ATXN1: variants seen among roughly 807,000 people sequenced by gnomAD.
The protein encoded by ATXN1 is ataxin-1.
A neutral mutation model predicts 56.4 loss-of-function variants in ATXN1; 8 were observed. That is an observed-to-expected ratio of 0.14 (90% CI 0.08 to 0.26). The LOEUF (loss-of-function observed/expected upper bound fraction) is 0.26, where lower values mean the gene tolerates loss of function less well. Ranked by LOEUF, ATXN1 falls within the 10% of genes least tolerant of loss-of-function variation. The probability of loss-of-function intolerance (pLI) is 1.00; values close to 1 mark genes in which losing one functional copy is unlikely to be tolerated. For synonymous variants in ATXN1, 514 were observed against 494.6 expected (o/e 1.04, Z -0.52); for missense variants, 987 against 1,106.5 (o/e 0.89, Z 1.53).
chr6:16,726,528 T>C (rs1223611151), intron 2 of ATXN1, among the ~76,000 whole-genome samples: 1 of 152,126 alleles, frequency 6.6e-6, no homozygotes, highest in East Asian at 1.9e-4. Context: ...CATTTTAAAA[T>C]GCAAATTACT....
At chr6:16,480,176 A>T (rs1027501572) in intron 6 of ATXN1, among the ~76,000 whole-genome samples, 579 of 148,524 alleles carry the variant, frequency 3.9e-3, no homozygotes, top group African/African-American at 0.013. Flanking sequence ...AAAAAAAAAA[A>T]ATATCTAAAA....
At chr6:16,584,241 T>TACAC (rs1197830966) in intron 4 of ATXN1, among the ~76,000 whole-genome samples, 5 of 121,280 alleles carry the variant, frequency 4.1e-5, no homozygotes, top group African/African-American at 1.4e-4. Flanking sequence ...TATATATATA[T>TACAC]ATACACACAC....
At chr6:16,656,532 G>C (rs1048739873) in intron 3 of ATXN1, among the ~76,000 whole-genome samples, 2 of 152,190 alleles carry the variant, frequency 1.3e-5, no homozygotes, top group East Asian at 1.9e-4. Context: ...CATTATGTTG[G>C]TGTATGCTCT....
At position 16,328,354 on chromosome 6, in the gene ATXN1, T is replaced by C; in HGVS notation, c.-44A>G. 1 of 1,475,608 alleles carries C rather than the reference T, an allele frequency of 6.8e-7. No homozygotes were observed. Among genetic ancestry groups the C allele is most frequent in the Non-Finnish European group, 8.9e-7 (1 of 1,119,102 alleles). The allele number at this position is 1,475,608 out of a possible 1,614,324, so 91.4% of individuals were successfully genotyped here. ...CACGGTGACTGTTTCACTGTCTGGA[T>C]GGCTCTGATTTTAGTCTGATAAACG... On this transcript the variant is annotated 5_prime_UTR_variant, in exon 7 of 8. Transcript: ENST00000436367. This position sits in a 1 kb window ranked among gnomAD's most constrained non-coding sequence, Gnocchi z 6.2.
intron 5 of ATXN1, among the ~76,000 whole-genome samples, chr6:16,514,385 A>G (rs1233546894): frequency 6.6e-6 from 1 of 152,202 alleles, no homozygotes; most frequent in Non-Finnish European, 1.5e-5. Context: ...TGCGTCTGAG[A>G]GCGAGGCACA....
At chr6:16,566,926 T>C (rs1287080678) in intron 4 of ATXN1, among the ~76,000 whole-genome samples, 1 of 152,118 alleles carries the variant, frequency 6.6e-6, no homozygotes, top group African/African-American at 2.4e-5. Context: ...TTGCCTAGGC[T>C]AGTCTCAAAC....
rs200071239 is a variant in ATXN1, at chr6:16,395,306, A to AAAAC, written c.-160-66840_-160-66837dup. Among the ~76,000 whole-genome samples the AAAAC allele has an allele frequency of 9.2e-3, 1,389 of 151,728 alleles. 12 individuals carry two copies. The highest frequency in any genetic ancestry group is 0.014 in the Non-Finnish European group (924 of 67,916). The stretch of plus-strand genomic sequence containing the variant: ...AAAAAAAAAAACAAGAACAAAAACA[A>AAAAC]AAACTCATCATCATCCCTCATTTTA... On this transcript the variant is annotated intron_variant, in intron 6 of 7. Transcript: ENST00000436367.
chr6:16,610,292 CT>C, intron 3 of ATXN1, among the ~76,000 whole-genome samples: 1 of 151,802 alleles, frequency 6.6e-6, no homozygotes, highest in Middle Eastern at 3.4e-3. Flanking sequence ...CAAAAACTCA[CT>C]CTATACAAGA....
chr6:16,499,490 A>G (rs947678290), intron 5 of ATXN1, among the ~76,000 whole-genome samples: 1 of 152,188 alleles, frequency 6.6e-6, no homozygotes, highest in African/African-American at 2.4e-5. Context: ...CAGGGAAGCC[A>G]ACCACCTCTT....
intron 3 of ATXN1, among the ~76,000 whole-genome samples, chr6:16,617,766 CAAA>C (rs397975811): frequency 5.6e-5 from 5 of 89,492 alleles, no homozygotes; most frequent in Admixed American, 1.2e-4. Flanking sequence ...AACTCTGTCT[CAAA>C]AAAAAAAAAA....
intron 2 of ATXN1, among the ~76,000 whole-genome samples, chr6:16,677,709 C>CT (rs1758717067): frequency 6.6e-6 from 1 of 152,166 alleles, no homozygotes; most frequent in South Asian, 2.1e-4. Context: ...CAGCTAATTC[C>CT]TTTTTAAGCA....
At chr6:16,430,813 T>A (rs1454427617) in intron 6 of ATXN1, among the ~76,000 whole-genome samples, 19 of 152,098 alleles carry the variant, frequency 1.2e-4, no homozygotes, top group Admixed American at 1.2e-3. Context: ...CTTGACTGAG[T>A]CATTCCTATG....
At chr6:16,561,532 G>A (rs1762118717) in intron 4 of ATXN1, among the ~76,000 whole-genome samples, 1 of 152,126 alleles carries the variant, frequency 6.6e-6, no homozygotes, top group South Asian at 2.1e-4. Flanking sequence ...TGTGTTTAAG[G>A]ACAGGGGTTA....
intron 2 of ATXN1, among the ~76,000 whole-genome samples, chr6:16,675,718 TA>T (rs975000988): frequency 5.3e-5 from 8 of 151,324 alleles, no homozygotes; most frequent in South Asian, 2.1e-4. Flanking sequence ...CCATCTCTAC[TA>T]AAAAAAATAT....
intron 4 of ATXN1, among the ~76,000 whole-genome samples, chr6:16,558,972 C>T (rs553251873): frequency 5.9e-5 from 9 of 151,454 alleles, no homozygotes; most frequent in Admixed American, 4.6e-4. Context: ...AAATGGGCAA[C>T]GAGGATGAAT....
intron 4 of ATXN1, among the ~76,000 whole-genome samples, chr6:16,529,103 T>C (rs1761449978): frequency 6.7e-6 from 1 of 148,190 alleles, no homozygotes; most frequent in South Asian, 2.1e-4. Flanking sequence ...TGCTTAAACC[T>C]GGGAGGTGGA....
chr6:16,595,560 A>C (rs1762799555), intron 3 of ATXN1, among the ~76,000 whole-genome samples: 1 of 152,240 alleles, frequency 6.6e-6, no homozygotes, highest in Non-Finnish European at 1.5e-5. Context: ...ACCTTCTTTA[A>C]CACAAGTGGA....
intron 2 of ATXN1, among the ~76,000 whole-genome samples, chr6:16,731,304 A>T (rs1366642117): frequency 6.6e-6 from 1 of 152,122 alleles, no homozygotes; most frequent in African/African-American, 2.4e-5. Flanking sequence ...AATGAAAAGA[A>T]GATTCTGGGA....
chr6:16,460,969 T>A (rs951886230), intron 6 of ATXN1, among the ~76,000 whole-genome samples: 1 of 152,256 alleles, frequency 6.6e-6, no homozygotes, highest in Non-Finnish European at 1.5e-5. Context: ...AGGGAGTTCC[T>A]AACCTCTGGG....
Sources: allele counts gnomAD v4.1 joint callset (sites outside exome capture counted in the v4.1 genomes callset), GRCh38; gene constraint gnomAD v4.1.1; non-coding constraint Gnocchi (gnomAD v3.1); transcripts MANE v1.5; gene names NCBI Gene and HGNC (gene_info 2026-07-23, HGNC 2026-07-21).